The following ADAM12 variants were observed in gnomAD, a reference collection of about 807,000 sequenced individuals.
ADAM12 encodes the protein ADAM metallopeptidase domain 12, also known as disintegrin and metalloproteinase domain-containing protein 12.
ADAM12 carries 70 observed loss-of-function variants against 106.4 expected under a neutral mutation model. That is an observed-to-expected ratio of 0.66 (90% confidence interval 0.54 to 0.80). The LOEUF is 0.80. Among genes scored for constraint, ADAM12 ranks in the 30% least tolerant of loss-of-function variants. The pLI is 0.00. For synonymous variants in ADAM12, 420 were observed against 433.5 expected (o/e 0.97, Z 0.39); for missense variants, 1,010 against 1,171.9 (o/e 0.86, Z 2.02).
intron 1 of ADAM12, among the ~76,000 whole-genome samples, chr10:126,366,793 T>C (rs1855927812): frequency 6.6e-6 from 1 of 152,086 alleles, no homozygotes; most frequent in Non-Finnish European, 1.5e-5. Flanking sequence ...TCAATGTTAG[T>C]CAAAGTGGAC....
chr10:126,228,395 C>A (rs1958242715), intron 3 of ADAM12, among the ~76,000 whole-genome samples: 1 of 152,130 alleles, frequency 6.6e-6, no homozygotes. Flanking sequence ...GCTGAAAGAA[C>A]AGAAGTGAAA....
chr10:126,034,321 C>T (rs1954020330), intron 21 of ADAM12, among the ~76,000 whole-genome samples: 1 of 152,152 alleles, frequency 6.6e-6, no homozygotes, highest in African/African-American at 2.4e-5. Flanking sequence ...TGCTGCTAAA[C>T]ATTCTACAAT....
rs187166219 is a variant in ADAM12 at position 126,290,038 on chromosome 10, C to T, written c.187-11050G>A. Among the ~76,000 whole-genome samples the T allele has an allele frequency of 1.7e-3, 263 of 152,272 alleles. 1 individual carries two copies. Among genetic ancestry groups the T allele is most frequent in the African/African-American group, 5.9e-3 (244 of 41,564 alleles). ...CAGATGGGCCCAATGTAATCACAAG[C>T]GTTCCTGAAGGCAGAGAATCTTTCA... On this transcript the variant is annotated intron_variant, in intron 2 of 22. Coordinates refer to ENST00000448723, the MANE Select transcript of ADAM12 (RefSeq NM_001288973.2).
At chr10:126,300,797 T>C (rs9422966) in intron 2 of ADAM12, among the ~76,000 whole-genome samples, 150,846 of 152,286 alleles carry the variant, frequency 0.99, 74,734 homozygotes, top group East Asian at 1. Context: ...AGGTTGAGTG[T>C]GTTAACTCTT....
intron 21 of ADAM12, among the ~76,000 whole-genome samples, chr10:126,021,172 G>A (rs1243903638): frequency 2.0e-5 from 3 of 151,948 alleles, no homozygotes; most frequent in Admixed American, 6.6e-5. Flanking sequence ...TTTGAAGCCC[G>A]GAAACACTCA....
At chr10:126,129,719 C>T (rs1277123229) in intron 5 of ADAM12, among the ~76,000 whole-genome samples, 1 of 152,220 alleles carries the variant, frequency 6.6e-6, no homozygotes, top group East Asian at 1.9e-4. Context: ...ATGGCCTCAA[C>T]TTCACATTCG....
intron 3 of ADAM12, among the ~76,000 whole-genome samples, chr10:126,156,460 G>T (rs1355785335): frequency 2.0e-5 from 3 of 152,340 alleles, no homozygotes; most frequent in Non-Finnish European, 4.4e-5. Flanking sequence ...CCTCTAGAGG[G>T]TATTTAAATC....
chr10:126,274,311 T>C (rs1565183921), intron 3 of ADAM12, among the ~76,000 whole-genome samples: 1 of 152,136 alleles, frequency 6.6e-6, no homozygotes, highest in East Asian at 1.9e-4. Context: ...CCACCCTGTG[T>C]AGCAGAAGAA....
chr10:126,377,970 G>A (rs1049470983), intron 1 of ADAM12, among the ~76,000 whole-genome samples: 7 of 151,928 alleles, frequency 4.6e-5, no homozygotes, highest in African/African-American at 1.7e-4. Context: ...AAAGAGAGGA[G>A]GATTGTTTAA....
chr10:126,280,479 A>G (rs766168016), intron 2 of ADAM12, among the ~76,000 whole-genome samples: 9 of 152,254 alleles, frequency 5.9e-5, no homozygotes, highest in Non-Finnish European at 1.2e-4. Flanking sequence ...TTGGTGTGAC[A>G]GGTGGCTACC....
At chr10:126,081,242 C>T (rs926541677) in intron 11 of ADAM12, among the ~76,000 whole-genome samples, 12 of 151,932 alleles carry the variant, frequency 7.9e-5, no homozygotes, top group African/African-American at 2.9e-4. Context: ...TGGAAGTGAC[C>T]GAGGAAGAAG....
intron 5 of ADAM12, 77 bp from the exon 6 acceptor site, chr10:126,118,301 CAA>C (rs1347070676): frequency 5.8e-6 from 6 of 1,043,030 alleles, no homozygotes; most frequent in Admixed American, 2.7e-5. Context: ...CAGTTCTTAA[CAA>C]GAGAGAGAAT....
chr10:126,200,376 T>TCA (rs1478071153), intron 3 of ADAM12, among the ~76,000 whole-genome samples: 1 of 152,208 alleles, frequency 6.6e-6, no homozygotes, highest in African/African-American at 2.4e-5. Context: ...TCAGGAAGTT[T>TCA]ATGCTCTAAT....
rs181949086 is a variant in ADAM12, at chr10:126,308,202, A to T, written c.186+22210T>A. 8.5e-4 allele frequency among the ~76,000 whole-genome samples: 129 copies of T among 152,252 alleles called. 1 individual carries two copies. The highest frequency in any genetic ancestry group is 3.0e-3 in the African/African-American group (126 of 41,528). The stretch of plus-strand genomic sequence containing the variant: ...GAGTATCTGTCTTTTTGGCCCACAA[A>T]CACTACAAAAGACTACAGATGAAGT... On this transcript the variant is annotated intron_variant, in intron 2 of 22. Transcript: ENST00000448723.
intron 18 of ADAM12, chr10:126,042,339 G>A (rs1954195937): frequency 4.1e-5 from 59 of 1,444,662 alleles, no homozygotes; most frequent in Non-Finnish European, 5.1e-5. Flanking sequence ...AAGGTCATCC[G>A]AGGAGAAATG....
chr10:126,320,252 C>T (rs1329236933), intron 2 of ADAM12, among the ~76,000 whole-genome samples: 1 of 152,212 alleles, frequency 6.6e-6, no homozygotes, highest in Non-Finnish European at 1.5e-5. Context: ...GTCTTCCTCA[C>T]ATTCTCAGGG....
At chr10:126,168,746 A>G (rs1957068492) in intron 3 of ADAM12, among the ~76,000 whole-genome samples, 1 of 152,144 alleles carries the variant, frequency 6.6e-6, no homozygotes, top group Non-Finnish European at 1.5e-5. Context: ...CAGAACCCAG[A>G]GCAGAATTCT....
At chr10:126,210,318 A>T (rs1377555406) in intron 3 of ADAM12, among the ~76,000 whole-genome samples, 1 of 152,184 alleles carries the variant, frequency 6.6e-6, no homozygotes, top group Non-Finnish European at 1.5e-5. Flanking sequence ...ATGTTATTGC[A>T]TCTACTCCTC....
At chr10:126,314,638 C>A (rs978779379) in intron 2 of ADAM12, among the ~76,000 whole-genome samples, 5 of 152,138 alleles carry the variant, frequency 3.3e-5, no homozygotes, top group African/African-American at 1.2e-4. Context: ...ATTTTCAAAC[C>A]TTGTCTAAAA....
Sources: gnomAD v4.1 joint callset for allele counts (sites outside exome capture counted in the v4.1 genomes callset) on GRCh38, gnomAD v4.1.1 for gene constraint, MANE v1.5 for transcripts, NCBI Gene and HGNC (gene_info 2026-07-23, HGNC 2026-07-21) for gene names.